Variants in PHF21A observed in about 807,000 individuals in gnomAD.
The protein encoded by PHF21A is BHC80a.
Under a neutral mutation model 82.5 loss-of-function variants are expected in PHF21A, and 11 were observed. The ratio of observed to expected loss-of-function variants is 0.13; its 90% confidence interval spans 0.08 to 0.22. The LOEUF is 0.22. PHF21A is among the 10% of genes least tolerant of loss of function. The probability of loss-of-function intolerance (pLI) is 1.00; values close to 1 mark genes in which losing one functional copy is unlikely to be tolerated. For synonymous variants in PHF21A, 297 were observed against 302.8 expected (o/e 0.98, Z 0.20); for missense variants, 579 against 837.8 (o/e 0.69, Z 3.81).
intron 6 of PHF21A, among the ~76,000 whole-genome samples, chr11:45,999,750 G>C (rs968663531): frequency 6.6e-6 from 1 of 152,206 alleles, no homozygotes; most frequent in Non-Finnish European, 1.5e-5. Flanking sequence ...AAAGCACAGA[G>C]ATGATAAGGG....
At chr11:46,058,814 T>G (rs1350368746) in intron 6 of PHF21A, among the ~76,000 whole-genome samples, 1 of 152,182 alleles carries the variant, frequency 6.6e-6, no homozygotes, top group East Asian at 1.9e-4. Flanking sequence ...CCAGTGGGTC[T>G]GGGACAGTAT....
At chr11:46,102,617 T>C (rs1424360480) in intron 1 of PHF21A, among the ~76,000 whole-genome samples, 1 of 152,240 alleles carries the variant, frequency 6.6e-6, no homozygotes, top group African/African-American at 2.4e-5. Flanking sequence ...TTAAGTAACA[T>C]GCCTGCCTCT....
chr11:46,112,646 A>G (rs2097231042), intron 1 of PHF21A, among the ~76,000 whole-genome samples: 1 of 152,238 alleles, frequency 6.6e-6, no homozygotes. Flanking sequence ...GTTAAAGCGT[A>G]CAGATATTCA....
chr11:46,001,923 T>A (rs1449095544), intron 6 of PHF21A, among the ~76,000 whole-genome samples: 1 of 152,160 alleles, frequency 6.6e-6, no homozygotes, highest in African/African-American at 2.4e-5. Context: ...CAAATCAAAT[T>A]AAGGCAGAGT....
chr11:45,951,308 C>T (rs902536005), intron 11 of PHF21A, among the ~76,000 whole-genome samples: 5 of 152,172 alleles, frequency 3.3e-5, no homozygotes, highest in Non-Finnish European at 7.3e-5. Context: ...ATCTTATCCT[C>T]GATATTATCC....
chr11:45,983,375 T>C (rs2094377863), intron 6 of PHF21A, among the ~76,000 whole-genome samples: 1 of 152,168 alleles, frequency 6.6e-6, no homozygotes, highest in African/African-American at 2.4e-5. Flanking sequence ...AAAGCTTTCT[T>C]TAAAAGATAG....
chr11:45,979,623 T>C, intron 7 of PHF21A, 137 bp downstream of exon 7: 1 of 1,231,140 alleles, frequency 8.1e-7, no homozygotes, highest in Non-Finnish European at 1.2e-6. Flanking sequence ...TGGGTTATAC[T>C]GTAAAAAAGC....
At chr11:45,962,418 A>C (rs2959087) in intron 10 of PHF21A, among the ~76,000 whole-genome samples, 75,371 of 151,834 alleles carry the variant, frequency 0.5, 22,129 homozygotes, top group Non-Finnish European at 0.66. Context: ...GATACTGGAA[A>C]TGAAATATAA....
In PHF21A at chr11:45,930,320, G is replaced by A. The variant is rs1158760318; in HGVS notation, c.*3648C>T. On this transcript the variant is annotated 3_prime_UTR_variant, in exon 19 of 19. Coordinates refer to ENST00000676320, the MANE Select transcript of PHF21A (RefSeq NM_001352027.3). Reference sequence around the variant, plus strand: ...ACCACCTCCATGCACGCTGCCTGTTGGGCCTGAGCCAAGCAGCAGCAGGGA... The same window carrying A: ...ACCACCTCCATGCACGCTGCCTGTTAGGCCTGAGCCAAGCAGCAGCAGGGA... 2 of 152,224 alleles carry A rather than the reference G, an allele frequency of 1.3e-5. No individual in the cohort carries two copies. Among genetic ancestry groups the A allele is most frequent in the South Asian group, 2.1e-4 (1 of 4,826 alleles). The allele number at this position is 152,224 out of a possible 1,614,324, so 9.4% of individuals were successfully genotyped here.
At position 46,112,081 on chromosome 11, in the gene PHF21A, T is replaced by C. The variant is rs539101029; in HGVS notation, c.-237+8854A>G. ...TGAAGTCAACCAAAGGCTTGTGGTA[T>C]GGATGCAATGAGTACTAGACAGGCA... On this transcript the variant is annotated intron_variant, in intron 1 of 18. Transcript: ENST00000676320. Among the ~76,000 whole-genome samples, 3 of 152,348 alleles carry C rather than the reference T, an allele frequency of 2.0e-5. No homozygotes were observed. The South Asian group carries it at 6.2e-4, about 32-fold the overall frequency.
chr11:46,066,649 T>C (rs1033508484), intron 6 of PHF21A, among the ~76,000 whole-genome samples: 6 of 152,268 alleles, frequency 3.9e-5, no homozygotes, highest in Admixed American at 3.9e-4. Flanking sequence ...CAGCGAGCTA[T>C]GATTGTACCA....
At chr11:45,940,363 C>T (rs1249370676) in intron 15 of PHF21A, among the ~76,000 whole-genome samples, 1 of 151,884 alleles carries the variant, frequency 6.6e-6, no homozygotes, top group African/African-American at 2.4e-5. Context: ...GCCTGACTAA[C>T]TTTTATATTT....
At position 45,932,865 on chromosome 11, in the gene PHF21A, T is replaced by G. The variant is rs960099940; in HGVS notation, c.*1103A>C. On this transcript the variant is annotated 3_prime_UTR_variant, in exon 19 of 19. Coordinates refer to ENST00000676320, the MANE Select transcript of PHF21A (RefSeq NM_001352027.3). The surrounding 1 kb of genome is among the most constrained non-coding windows in gnomAD (Gnocchi z 4.3). ...CATGCAAGGTCTTGGCTACCCTTAA[T>G]TGGACTGTCAGCCTGAAAAACAGCT... 12 of 152,592 alleles carry G rather than the reference T, an allele frequency of 7.9e-5. No individual in the cohort carries two copies. Among genetic ancestry groups the G allele is most frequent in the Admixed American group, 7.9e-4 (12 of 15,282 alleles). The allele number at this position is 152,592 out of a possible 1,614,324, so 9.5% of individuals were successfully genotyped here.
chr11:46,024,319 CCTT>C (rs537457752), intron 6 of PHF21A, among the ~76,000 whole-genome samples: 115 of 152,298 alleles, frequency 7.6e-4, no homozygotes, highest in Middle Eastern at 3.4e-3. Context: ...TTTCCTCTGT[CCTT>C]CTCTTTTTCT....
intron 3 of PHF21A, 33 bp from the exon 4 acceptor site, chr11:46,084,335 C>T: frequency 1.5e-6 from 1 of 667,322 alleles, no homozygotes; most frequent in South Asian, 2.0e-5. Context: ...TGGATCATTA[C>T]ATTTGGAATA....
At chr11:46,115,720 T>C (rs73457804) in intron 1 of PHF21A, among the ~76,000 whole-genome samples, 2,255 of 152,250 alleles carry the variant, frequency 0.015, 51 homozygotes, top group African/African-American at 0.051. Context: ...TAGATATAGA[T>C]ATAAAAGAAT....
At chr11:45,939,263 G>T (rs1170193763) in intron 15 of PHF21A, among the ~76,000 whole-genome samples, 2 of 152,104 alleles carry the variant, frequency 1.3e-5, no homozygotes, top group Non-Finnish European at 1.5e-5. Flanking sequence ...AATCTTACAG[G>T]TACGGAAATC....
At chr11:46,114,930 CACAA>C (rs1314803000) in intron 1 of PHF21A, among the ~76,000 whole-genome samples, 3 of 152,154 alleles carry the variant, frequency 2.0e-5, no homozygotes, top group South Asian at 2.1e-4. Context: ...CCCCTAGGCC[CACAA>C]ACAGAGTCAA....
At chr11:45,971,663 G>C (rs2093753500) in intron 7 of PHF21A, among the ~76,000 whole-genome samples, 1 of 151,998 alleles carries the variant, frequency 6.6e-6, no homozygotes, top group African/African-American at 2.4e-5. Flanking sequence ...AAATGGGGTA[G>C]GTATACAGAT....
Sources: gnomAD v4.1 joint callset for allele counts (sites outside exome capture counted in the v4.1 genomes callset) on GRCh38, gnomAD v4.1.1 for gene constraint, Gnocchi (gnomAD v3.1) non-coding constraint, MANE v1.5 for transcripts, NCBI Gene and HGNC (gene_info 2026-07-23, HGNC 2026-07-21) for gene names.